The following MITF variants were observed in gnomAD, a reference collection of about 807,000 sequenced individuals.
MITF encodes the protein melanocyte inducing transcription factor.
A neutral mutation model predicts 60.5 loss-of-function variants in MITF; 17 were observed. The observed-to-expected ratio is 0.28, with a 90% confidence interval of 0.19 to 0.42. The LOEUF (loss-of-function observed/expected upper bound fraction) is 0.42, where lower values mean the gene tolerates loss of function less well. Among genes scored for constraint, MITF ranks in the 10% least tolerant of loss-of-function variants. The pLI, the probability that MITF is intolerant of heterozygous loss-of-function variation, is 1.00. For synonymous variants in MITF, 260 were observed against 248.5 expected (o/e 1.05, Z -0.43); for missense variants, 622 against 683.5 (o/e 0.91, Z 1.00).
rs1311468352 is a variant in MITF, at chr3:69,739,590, C to G, written c.-8C>G. On this transcript the variant is annotated 5_prime_UTR_variant, in exon 1 of 10. Coordinates refer to ENST00000352241, the MANE Select transcript of MITF (RefSeq NM_001354604.2). Reference sequence around the variant, plus strand: ...TTTCCAGCAGTGGAAGGACGGGAAGCGGGAGCCATGCAGTCCGAATCGGGG... The same window carrying G: ...TTTCCAGCAGTGGAAGGACGGGAAGGGGGAGCCATGCAGTCCGAATCGGGG... 2 of 1,564,150 alleles carry G rather than the reference C, an allele frequency of 1.3e-6. No homozygotes were observed. The highest frequency in any genetic ancestry group is 1.7e-6 in the Non-Finnish European group (2 of 1,152,214).
chr3:69,966,248 A>G lies in MITF; in HGVS notation c.*1000A>G, dbSNP rs940145264. 20 of 232,718 alleles carry G rather than the reference A, an allele frequency of 8.6e-5. No individual in the cohort carries two copies. The highest frequency in any genetic ancestry group is 4.4e-4 in the African/African-American group (20 of 45,298). The allele number at this position is 232,718 out of a possible 1,614,324, so 14.4% of individuals were successfully genotyped here. ...TAAGAATATGCATCTTAAAATGGCA[A>G]GTTTTCCATATTTTTACAACTCACT... On this transcript the variant is annotated 3_prime_UTR_variant, in exon 10 of 10. Transcript: ENST00000352241.
At chr3:69,851,765 C>G (rs149160252) in intron 1 of MITF, among the ~76,000 whole-genome samples, 2 of 151,766 alleles carry the variant, frequency 1.3e-5, no homozygotes, top group African/African-American at 4.8e-5. Flanking sequence ...TCTCAAAACT[C>G]GAACGGAAGG....
chr3:69,950,014 T>C lies in MITF; in HGVS notation c.880+846T>C, dbSNP rs557871289. ...AGAAAATAAGCAGGAGAAAGATGTTTTTTAAAAACCATGGATTTGAGTGAA... is the reference window on the plus strand; with the variant it reads ...AGAAAATAAGCAGGAGAAAGATGTTCTTTAAAAACCATGGATTTGAGTGAA... On this transcript the variant is annotated intron_variant, in intron 6 of 9. Coordinates refer to ENST00000352241, the MANE Select transcript of MITF (RefSeq NM_001354604.2). Among the ~76,000 whole-genome samples, 10 of 152,224 alleles carry C rather than the reference T, an allele frequency of 6.6e-5. No homozygotes were observed. In the East Asian group the frequency reaches 1.7e-3, roughly 26 times the overall value.
intron 2 of MITF, among the ~76,000 whole-genome samples, chr3:69,900,666 T>G (rs566119290): frequency 6.6e-6 from 1 of 152,252 alleles, no homozygotes; most frequent in African/African-American, 2.4e-5. Context: ...GCAGCATGGG[T>G]AAATATATTA....
chr3:69,747,208 G>A (rs1575658526), intron 1 of MITF, among the ~76,000 whole-genome samples: 2 of 152,322 alleles, frequency 1.3e-5, no homozygotes, highest in South Asian at 2.1e-4. Context: ...CTTGGAGGTG[G>A]CGCACAGTTA....
chr3:69,866,343 A>T (rs202166652), intron 1 of MITF: 1 of 1,613,818 alleles, frequency 6.2e-7, no homozygotes, highest in East Asian at 2.2e-5. Context: ...GAAAGCTTGT[A>T]TCTGTAAGTG....
chr3:69,784,163 T>C (rs2062611761), intron 1 of MITF, among the ~76,000 whole-genome samples: 1 of 151,512 alleles, frequency 6.6e-6, no homozygotes. Flanking sequence ...TTGCTTTTTG[T>C]TTTGTTGTTG....
At position 69,874,148 on chromosome 3, in the gene MITF, G is replaced by C. The variant is rs1436441944; in HGVS notation, c.105-4986G>C. On this transcript the variant is annotated intron_variant, in intron 1 of 9. Transcript: ENST00000352241. Reference sequence around the variant, plus strand: ...TCAGTGCAAACAAATACTAGGCTTTGAGCTCTGTCAACCAAATGACTATGA... The same window carrying C: ...TCAGTGCAAACAAATACTAGGCTTTCAGCTCTGTCAACCAAATGACTATGA... Among the ~76,000 whole-genome samples, 3 of 152,268 alleles carry C rather than the reference G, an allele frequency of 2.0e-5. No homozygotes were observed. The South Asian group carries it at 6.2e-4, about 32-fold the overall frequency.
At chr3:69,871,789 T>C (rs1194482662) in intron 1 of MITF, among the ~76,000 whole-genome samples, 1 of 152,220 alleles carries the variant, frequency 6.6e-6, no homozygotes, top group Non-Finnish European at 1.5e-5. Context: ...CAGAAGGGCT[T>C]TCTACCTTTA....
chr3:69,909,266 G>A (rs910160643), intron 2 of MITF, among the ~76,000 whole-genome samples: 1 of 152,108 alleles, frequency 6.6e-6, no homozygotes, highest in African/African-American at 2.4e-5. Flanking sequence ...CACCATATAA[G>A]TGCCTTTTAC....
chr3:69,849,339 A>T (rs998014134), intron 1 of MITF, among the ~76,000 whole-genome samples: 9 of 152,156 alleles, frequency 5.9e-5, no homozygotes, highest in African/African-American at 2.2e-4. Context: ...TAAGGATTTC[A>T]GTTACGGTGC....
At chr3:69,824,755 G>T (rs2107066123) in intron 1 of MITF, among the ~76,000 whole-genome samples, 1 of 152,304 alleles carries the variant, frequency 6.6e-6, no homozygotes, top group East Asian at 1.9e-4. Context: ...AGCCGCACCT[G>T]GTAGCCAGCA....
In MITF at chr3:69,966,073, A is replaced by G. The variant is rs975025761; in HGVS notation, c.*825A>G. ...TGAAAGTATGTTTTACTTTTTTTTT[A>G]TTTTATTTTTGCTTTTGATAAGAAA... is the stretch of plus-strand genomic sequence containing the variant. On this transcript the variant is annotated 3_prime_UTR_variant, in exon 10 of 10. Transcript: ENST00000352241. The G allele has an allele frequency of 4.3e-6, 1 of 232,016 alleles. No homozygotes were observed. Among genetic ancestry groups the G allele is most frequent in the Non-Finnish European group, 8.5e-6 (1 of 117,380 alleles). The allele number at this position is 232,016 out of a possible 1,614,324, so 14.4% of individuals were successfully genotyped here. A position where few individuals can be genotyped will look rare whatever the true frequency, so the allele number is the denominator to read the frequency against.
intron 9 of MITF, among the ~76,000 whole-genome samples, chr3:69,961,395 A>G (rs1234758389): frequency 6.7e-6 from 1 of 150,238 alleles, no homozygotes; most frequent in Non-Finnish European, 1.5e-5. Flanking sequence ...AAAAAACAAA[A>G]AAATAAAAAT....
intron 1 of MITF, among the ~76,000 whole-genome samples, chr3:69,757,997 A>ATGTGTG (rs60250386): frequency 2.1e-3 from 245 of 116,048 alleles, no homozygotes; most frequent in African/African-American, 5.1e-3. Flanking sequence ...ACCCTAGGGC[A>ATGTGTG]TGTGTGTGTG....
chr3:69,840,101 C>G (rs1253673039), intron 1 of MITF, among the ~76,000 whole-genome samples: 1 of 152,162 alleles, frequency 6.6e-6, no homozygotes, highest in South Asian at 2.1e-4. Flanking sequence ...TGAGATGATA[C>G]TATAAAGAGA....
chr3:69,806,220 G>T (rs757185639), intron 1 of MITF, among the ~76,000 whole-genome samples: 1 of 151,878 alleles, frequency 6.6e-6, no homozygotes, highest in Non-Finnish European at 1.5e-5. Flanking sequence ...GAGTAGCTGG[G>T]ATTACAGGTA....
chr3:69,903,195 C>T (rs975048915), intron 2 of MITF, among the ~76,000 whole-genome samples: 42 of 152,242 alleles, frequency 2.8e-4, no homozygotes, highest in Non-Finnish European at 4.9e-4. Context: ...TTCAAATTAG[C>T]TAATCTTTGG....
At chr3:69,781,945 G>A (rs746486149) in intron 1 of MITF, among the ~76,000 whole-genome samples, 39 of 152,206 alleles carry the variant, frequency 2.6e-4, no homozygotes, top group Non-Finnish European at 4.7e-4. Flanking sequence ...TGCCTGTCTC[G>A]TTGATGAGTT....
Sources: gnomAD v4.1 joint callset for allele counts (sites outside exome capture counted in the v4.1 genomes callset) on GRCh38, gnomAD v4.1.1 for gene constraint, MANE v1.5 for transcripts, NCBI Gene and HGNC (gene_info 2026-07-23, HGNC 2026-07-21) for gene names.